The following GPC4 variants were observed in gnomAD, a reference collection of about 807,000 sequenced individuals.
GPC4 encodes the protein glypican 4, also known as glypican-4.
GPC4 carries 10 observed loss-of-function variants against 35.0 expected under a neutral mutation model. The observed-to-expected ratio is 0.29, with a 90% CI of 0.18 to 0.48. GPC4 has a LOEUF of 0.48. GPC4 is among the 20% of genes least tolerant of loss of function. GPC4 has a pLI of 0.99. For missense variants in GPC4, 322 were observed against 451.3 expected (o/e 0.71, Z 2.60); for synonymous variants, 167 against 170.2 (o/e 0.98, Z 0.15).
intron 1 of GPC4, among the ~76,000 whole-genome samples, chrX:133,403,823 G>A (rs1322663985): frequency 9.2e-6 from 1 of 109,277 alleles, no homozygotes; most frequent in Admixed American, 9.8e-5. Flanking sequence ...AGCCTCCCGA[G>A]TAGCTGGGAT....
chrX:133,388,794 G>T (rs1044890287), intron 1 of GPC4, among the ~76,000 whole-genome samples: 1 of 106,027 alleles, frequency 9.4e-6, no homozygotes, highest in Non-Finnish European at 1.9e-5. Flanking sequence ...GAGCCACCGC[G>T]CCCAGCCAGC....
intron 1 of GPC4, among the ~76,000 whole-genome samples, chrX:133,379,136 T>C (rs2068649281): frequency 8.9e-6 from 1 of 112,305 alleles, no homozygotes; most frequent in Non-Finnish European, 1.9e-5. Flanking sequence ...TACAAAGCTG[T>C]ATACAAACAT....
Position 133,302,744 on chromosome X carries a change from C to T in GPC4, c.*123G>A. The T allele has an allele frequency of 1.6e-6, 1 of 622,453 alleles. No individual in the cohort carries two copies. The highest frequency in any genetic ancestry group is 3.5e-5 in the East Asian group (1 of 28,893). The allele number at this position is 622,453 out of a possible 1,213,427, so 51.3% of individuals were successfully genotyped here. On this transcript the variant is annotated 3_prime_UTR_variant, in exon 9 of 9. Coordinates refer to ENST00000370828, the MANE Select transcript of GPC4 (RefSeq NM_001448.3). ...AGTCAGCACTTCTTAAACCAGTGGC[C>T]ACATAGTAAAAACTGTACATTGTTG...
intron 2 of GPC4, among the ~76,000 whole-genome samples, chrX:133,332,935 C>T (rs1346548125): frequency 2.7e-5 from 3 of 112,578 alleles, no homozygotes; most frequent in African/African-American, 9.7e-5. Context: ...TGCTGACACA[C>T]TGCCAAATCT....
At position 133,369,360 on chromosome X, in the gene GPC4, T is replaced by C. The variant is rs377483825; in HGVS notation, c.161-30019A>G. Among the ~76,000 whole-genome samples the C allele has an allele frequency of 2.5e-4, 28 of 112,031 alleles. No homozygotes were observed. In the East Asian group the frequency reaches 6.2e-3, roughly 25 times the overall value. On this transcript the variant is annotated intron_variant, in intron 1 of 8. Transcript: ENST00000370828. ...TTAAGTTACAGTTCCCCCAGAACAA[T>C]TGTCGCTCAAATGAGATAACTAGAG... is the stretch of plus-strand genomic sequence containing the variant.
chrX:133,307,128 T>C (rs1467345161), intron 4 of GPC4, among the ~76,000 whole-genome samples: 1 of 112,058 alleles, frequency 8.9e-6, no homozygotes, highest in Non-Finnish European at 1.9e-5. Flanking sequence ...CTTTACACTC[T>C]AGTGCTTAGT....
chrX:133,367,082 A>G (rs2068592870), intron 1 of GPC4, among the ~76,000 whole-genome samples: 1 of 112,239 alleles, frequency 8.9e-6, no homozygotes, highest in Non-Finnish European at 1.9e-5. Flanking sequence ...GCTGCTGCTC[A>G]GGTGGCTCCC....
At chrX:133,332,100 GA>G (rs893411598) in intron 2 of GPC4, among the ~76,000 whole-genome samples, 5 of 111,409 alleles carry the variant, frequency 4.5e-5, no homozygotes, top group African/African-American at 1.6e-4. Flanking sequence ...TTAATAAAAA[GA>G]AAAACATTAT....
chrX:133,390,165 A>G (rs146136551), intron 1 of GPC4, among the ~76,000 whole-genome samples: 1 of 111,118 alleles, frequency 9.0e-6, no homozygotes, highest in African/African-American at 3.3e-5. Flanking sequence ...CAGCTGTCTC[A>G]AAAAAGCTCC....
At chrX:133,345,359 T>C (rs777872249) in intron 1 of GPC4, among the ~76,000 whole-genome samples, 1 of 112,594 alleles carries the variant, frequency 8.9e-6, no homozygotes, top group South Asian at 3.7e-4. Flanking sequence ...TCTTATGCTC[T>C]GATAAGCTAC....
At position 133,306,020 on chromosome X, in the gene GPC4, T is replaced by A; in HGVS notation, c.1008+4A>T. ...TCCCCTTTCCAGCATCCTGCCTTCATTACCTTCTGAGACACTTGAACACTA... is the reference window on the plus strand; with the variant it reads ...TCCCCTTTCCAGCATCCTGCCTTCAATACCTTCTGAGACACTTGAACACTA... On this transcript the variant is annotated splice_donor_region_variant and intron_variant, in intron 5 of 8. Coordinates refer to ENST00000370828, the MANE Select transcript of GPC4 (RefSeq NM_001448.3). 1 of 1,211,424 alleles carries A rather than the reference T, an allele frequency of 8.3e-7. No homozygotes were observed. The highest frequency in any genetic ancestry group is 1.1e-6 in the Non-Finnish European group (1 of 895,385).
At chrX:133,354,075 G>A (rs1368584645) in intron 1 of GPC4, among the ~76,000 whole-genome samples, 1 of 111,749 alleles carries the variant, frequency 8.9e-6, no homozygotes, top group African/African-American at 3.3e-5. Context: ...TTTGTACCAG[G>A]ACCTTCTGCC....
intron 1 of GPC4, among the ~76,000 whole-genome samples, chrX:133,358,205 G>C (rs984041509): frequency 8.9e-6 from 1 of 111,994 alleles, no homozygotes; most frequent in Admixed American, 9.5e-5. Flanking sequence ...ATTCTTATGA[G>C]AGTGCCATTA....
intron 1 of GPC4, among the ~76,000 whole-genome samples, chrX:133,387,156 A>C (rs1483417387): frequency 8.9e-6 from 1 of 112,379 alleles, no homozygotes; most frequent in African/African-American, 3.2e-5. Context: ...TGGCTATAGC[A>C]TATCAGCCTC....
intron 1 of GPC4, among the ~76,000 whole-genome samples, chrX:133,358,368 A>AT (rs2074988350): frequency 8.9e-6 from 1 of 112,318 alleles, no homozygotes; most frequent in Non-Finnish European, 1.9e-5. Context: ...AATTCAAAAG[A>AT]TTAAGACAAG....
At chrX:133,351,072 T>A (rs1455566976) in intron 1 of GPC4, among the ~76,000 whole-genome samples, 1 of 112,552 alleles carries the variant, frequency 8.9e-6, no homozygotes, top group East Asian at 2.8e-4. Context: ...GCCCTACAAT[T>A]TATTACCATT....
chrX:133,363,422 TAC>T (rs1042575130), intron 1 of GPC4, among the ~76,000 whole-genome samples: 6 of 111,246 alleles, frequency 5.4e-5, no homozygotes, highest in Admixed American at 2.9e-4. Flanking sequence ...GAAAAGGATA[TAC>T]AGTTTTTCTC....
chrX:133,354,614 T>C (rs962141302), intron 1 of GPC4, among the ~76,000 whole-genome samples: 4 of 105,314 alleles, frequency 3.8e-5, no homozygotes, highest in Non-Finnish European at 7.7e-5. Flanking sequence ...CAGGCCAGAC[T>C]GCGGACTGCA....
intron 1 of GPC4, among the ~76,000 whole-genome samples, chrX:133,394,405 A>T (rs1421273576): frequency 9.0e-6 from 1 of 111,361 alleles, no homozygotes; most frequent in African/African-American, 3.3e-5. Flanking sequence ...ATCCTATGAT[A>T]AACCATAATC....
Sources: allele counts gnomAD v4.1 joint callset (sites outside exome capture counted in the v4.1 genomes callset), GRCh38; gene constraint gnomAD v4.1.1; transcripts MANE v1.5; gene names NCBI Gene and HGNC (gene_info 2026-07-23, HGNC 2026-07-21).